Variants in CACNA1C observed in about 807,000 individuals in gnomAD.
CACNA1C encodes the protein voltage-dependent L-type calcium channel subunit alpha-1C.
Under a neutral mutation model 229.0 loss-of-function variants are expected in CACNA1C, and 30 were observed. That is an observed-to-expected ratio of 0.13 (90% CI 0.10 to 0.18). CACNA1C has a LOEUF of 0.18. Ranked by LOEUF, CACNA1C falls within the 10% of genes least tolerant of loss-of-function variation. The pLI is 1.00. For synonymous variants in CACNA1C, 1,114 were observed against 1,132.5 expected, an observed-to-expected ratio of 0.98 and a Z score of 0.33; for missense variants, 1,658 against 2,845.0, an observed-to-expected ratio of 0.58 and a Z score of 9.49.
At chr12:2,104,686 C>T (rs1179608044) in intron 1 of CACNA1C, among the ~76,000 whole-genome samples, 1 of 152,056 alleles carries the variant, frequency 6.6e-6, no homozygotes, top group Non-Finnish European at 1.5e-5. Context: ...TTGCCCATTC[C>T]GTAATCTCTG....
intron 1 of CACNA1C, among the ~76,000 whole-genome samples, chr12:2,104,948 G>C (rs190707429): frequency 6.6e-6 from 1 of 152,310 alleles, no homozygotes; most frequent in East Asian, 1.9e-4. Context: ...CTGTCAGTTT[G>C]TTTTCTTCCC....
intron 30 of CACNA1C, among the ~76,000 whole-genome samples, chr12:2,648,186 C>T (rs2094541175): frequency 6.6e-6 from 1 of 152,028 alleles, no homozygotes; most frequent in Admixed American, 6.6e-5. Flanking sequence ...CCACAAAATC[C>T]CAAAGACCTC....
intron 3 of CACNA1C, among the ~76,000 whole-genome samples, chr12:2,375,022 A>G (rs1247400142): frequency 6.6e-6 from 1 of 152,232 alleles, no homozygotes; most frequent in African/African-American, 2.4e-5. Flanking sequence ...TCTTTACAAA[A>G]GCTTTCAGAG....
intron 1 of CACNA1C, among the ~76,000 whole-genome samples, chr12:2,083,820 G>A (rs1241556038): frequency 1.3e-5 from 2 of 152,198 alleles, no homozygotes; most frequent in East Asian, 3.8e-4. Flanking sequence ...GTGGAAGCCA[G>A]TGCTTTATAT....
At position 2,633,508 on chromosome 12, in the gene CACNA1C, TC is replaced by T. The variant is rs1160640229; in HGVS notation, c.3829-787del. The T allele has an allele frequency of 1.4e-6, 1 of 714,258 alleles. No homozygotes were observed. Among genetic ancestry groups the T allele is most frequent in the East Asian group, 2.7e-5 (1 of 37,728 alleles). The allele number at this position is 714,258 out of a possible 1,614,324, so 44.2% of individuals were successfully genotyped here. On this transcript the variant is annotated intron_variant, in intron 29 of 46. Transcript: ENST00000399655. This position sits in a 1 kb window ranked among gnomAD's most constrained non-coding sequence, Gnocchi z 5.8. ...TGGGCTCCTGGCCATGGTGAGGGCG[TC>T]CGGAACTCCAGAGGCAACACGGAGG...
At chr12:2,167,543 A>G (rs368276110) in intron 3 of CACNA1C, among the ~76,000 whole-genome samples, 219 of 152,262 alleles carry the variant, frequency 1.4e-3, no homozygotes, top group African/African-American at 4.7e-3. Flanking sequence ...ACACCAAACT[A>G]TCTCCTCCAT....
chr12:2,274,931 C>T (rs1277717600), intron 3 of CACNA1C, among the ~76,000 whole-genome samples: 1 of 152,146 alleles, frequency 6.6e-6, no homozygotes, highest in Non-Finnish European at 1.5e-5. Flanking sequence ...GATGTTGGTC[C>T]CTGGCAGCCA....
intron 3 of CACNA1C, among the ~76,000 whole-genome samples, chr12:2,376,098 G>T (rs567851349): frequency 6.6e-6 from 1 of 152,232 alleles, no homozygotes; most frequent in Non-Finnish European, 1.5e-5. Flanking sequence ...AACATTGAGT[G>T]AAATGACATG....
At chr12:2,372,985 C>T (rs2097912356) in intron 3 of CACNA1C, among the ~76,000 whole-genome samples, 1 of 152,350 alleles carries the variant, frequency 6.6e-6, no homozygotes, top group Admixed American at 6.5e-5. Flanking sequence ...AAGGAATGCA[C>T]GGTGTTGGCT....
At chr12:2,052,921 G>C, upstream of CACNA1C, 1 of 948,046 alleles carries the variant, frequency 1.1e-6, no homozygotes, top group East Asian at 1.2e-4. Flanking sequence ...GGCGCGGGCA[G>C]GGGCGGGCGC....
intron 3 of CACNA1C, among the ~76,000 whole-genome samples, chr12:2,246,470 C>T (rs1358484263): frequency 6.6e-6 from 1 of 152,176 alleles, no homozygotes; most frequent in Non-Finnish European, 1.5e-5. Flanking sequence ...CTGCCTGAAA[C>T]GTGTTTCTGA....
At chr12:2,565,210 T>G (rs1375604576) in intron 11 of CACNA1C, among the ~76,000 whole-genome samples, 1 of 152,108 alleles carries the variant, frequency 6.6e-6, no homozygotes, top group African/African-American at 2.4e-5. Flanking sequence ...GGCTCACGCC[T>G]GTAATCCCAG....
intron 1 of CACNA1C, among the ~76,000 whole-genome samples, chr12:2,003,239 G>A (rs996527918): frequency 6.6e-6 from 1 of 151,976 alleles, no homozygotes. Context: ...TTATGAATGT[G>A]GGTGTTAAAA....
In CACNA1C at chr12:2,215,226, C is replaced by T. The variant is rs1015124193; in HGVS notation, c.477+94796C>T. Among the ~76,000 whole-genome samples, 2 of 152,202 alleles carry T rather than the reference C, an allele frequency of 1.3e-5. No homozygotes were observed. Among genetic ancestry groups the T allele is most frequent in the African/African-American group, 2.4e-5 (1 of 41,450 alleles). On this transcript the variant is annotated intron_variant, in intron 3 of 46. Transcript: ENST00000399655. This position sits in a 1 kb window ranked among gnomAD's most constrained non-coding sequence, Gnocchi z 5.0. The stretch of plus-strand genomic sequence containing the variant: ...ATTTAATCTGCTATTTGTGGGTGTT[C>T]TGTTGCATTCAGTGGGGCTTCAGTC...
intron 3 of CACNA1C, among the ~76,000 whole-genome samples, chr12:2,224,977 T>C (rs2062548740): frequency 6.6e-6 from 1 of 152,202 alleles, no homozygotes; most frequent in Non-Finnish European, 1.5e-5. Flanking sequence ...ACCGCAGAAC[T>C]CAGACATTTA....
At chr12:2,173,695 C>G (rs534482080) in intron 3 of CACNA1C, among the ~76,000 whole-genome samples, 2 of 152,244 alleles carry the variant, frequency 1.3e-5, no homozygotes, top group South Asian at 2.1e-4. Flanking sequence ...AGCCCTACCC[C>G]CACCTGCTCC....
chr12:2,491,433 G>GAAGGAGGAGGAGGAA (rs2099730824), intron 6 of CACNA1C, among the ~76,000 whole-genome samples: 2 of 151,842 alleles, frequency 1.3e-5, no homozygotes, highest in Non-Finnish European at 2.9e-5. Context: ...GAGAGGAGAA[G>GAAGGAGGAGGAGGAA]AAGGAGGAGG....
In CACNA1C at chr12:2,135,981, C is replaced by T. The variant is rs560064536; in HGVS notation, c.477+15551C>T. 5.3e-4 allele frequency among the ~76,000 whole-genome samples: 80 copies of T among 150,168 alleles called. 3 individuals carry two copies. The highest frequency in any genetic ancestry group is 9.7e-4 in the East Asian group (5 of 5,142). ...GAGACTCCGTGGGCGTAGGACCCTC[C>T]GAGCCAGGTGTGGGATATAGTCTCG... On this transcript the variant is annotated intron_variant, in intron 3 of 46. Transcript: ENST00000399655.
At chr12:2,281,923 C>T (rs1454165654) in intron 3 of CACNA1C, among the ~76,000 whole-genome samples, 1 of 152,080 alleles carries the variant, frequency 6.6e-6, no homozygotes, top group Non-Finnish European at 1.5e-5. Context: ...TATTAGGCTG[C>T]TTGACATTGT....
Sources: allele counts gnomAD v4.1 joint callset (sites outside exome capture counted in the v4.1 genomes callset), GRCh38; gene constraint gnomAD v4.1.1; non-coding constraint Gnocchi (gnomAD v3.1); transcripts MANE v1.5; gene names NCBI Gene and HGNC (gene_info 2026-07-23, HGNC 2026-07-21).